CDH18: variants seen among roughly 807,000 people sequenced by gnomAD.
CDH18 encodes cadherin 18.
Under a neutral mutation model 67.9 loss-of-function variants are expected in CDH18, and 31 were observed. The ratio of observed to expected loss-of-function variants is 0.46; its 90% CI spans 0.34 to 0.62. The LOEUF (loss-of-function observed/expected upper bound fraction) is 0.62, where lower values mean the gene tolerates loss of function less well. Among genes scored for constraint, CDH18 ranks in the 20% least tolerant of loss-of-function variants. The pLI, the probability that CDH18 is intolerant of heterozygous loss-of-function variation, is 0.01. For synonymous variants in CDH18, 362 were observed against 347.2 expected, an observed-to-expected ratio of 1.04 and a Z score of -0.48; for missense variants, 890 against 975.5, an observed-to-expected ratio of 0.91 and a Z score of 1.17.
At chr5:20,025,103 T>C (rs1231601652) in intron 2 of CDH18, among the ~76,000 whole-genome samples, 1 of 152,196 alleles carries the variant, frequency 6.6e-6, no homozygotes, top group Non-Finnish European at 1.5e-5. Flanking sequence ...TCTTCTCTGA[T>C]CAGTTATCTG....
intron 6 of CDH18, among the ~76,000 whole-genome samples, chr5:19,603,006 A>T (rs770485524): frequency 7.2e-5 from 11 of 151,998 alleles, no homozygotes; most frequent in Admixed American, 1.3e-4. Flanking sequence ...TTACCATATG[A>T]TCTAGCAATT....
intron 1 of CDH18, among the ~76,000 whole-genome samples, chr5:20,383,747 G>T (rs1744096519): frequency 6.6e-6 from 1 of 152,080 alleles, no homozygotes; most frequent in African/African-American, 2.4e-5. Flanking sequence ...AAGTTGACAA[G>T]CCATATAATT....
intron 2 of CDH18, among the ~76,000 whole-genome samples, chr5:19,921,314 G>A (rs1422700648): frequency 6.6e-6 from 1 of 152,162 alleles, no homozygotes; most frequent in Non-Finnish European, 1.5e-5. Flanking sequence ...GGCGGATCAC[G>A]AGGTCAGGAG....
chr5:20,333,970 A>G (rs1277088487), intron 1 of CDH18, among the ~76,000 whole-genome samples: 1 of 152,242 alleles, frequency 6.6e-6, no homozygotes, highest in African/African-American at 2.4e-5. Flanking sequence ...AAGATGTTAA[A>G]TGAATTTAAA....
intron 2 of CDH18, among the ~76,000 whole-genome samples, chr5:19,890,589 A>G (rs748640136): frequency 9.0e-5 from 11 of 122,058 alleles, no homozygotes; most frequent in Non-Finnish European, 1.7e-4. Flanking sequence ...GCATTAGCCC[A>G]GAACACCATT....
chr5:20,333,364 G>C (rs577731407), intron 1 of CDH18, among the ~76,000 whole-genome samples: 1 of 151,938 alleles, frequency 6.6e-6, no homozygotes, highest in South Asian at 2.1e-4. Flanking sequence ...AAAATTAGCT[G>C]GGCATGGTGG....
intron 2 of CDH18, among the ~76,000 whole-genome samples, chr5:20,242,842 C>T (rs1161138982): frequency 6.6e-6 from 1 of 151,614 alleles, no homozygotes; most frequent in South Asian, 2.1e-4. Context: ...CTGACCTAAT[C>T]TTTCTCTTGT....
intron 7 of CDH18, among the ~76,000 whole-genome samples, chr5:19,573,492 A>G (rs967407785): frequency 6.6e-6 from 1 of 152,042 alleles, no homozygotes; most frequent in Admixed American, 6.6e-5. Context: ...GTTAGCCAGG[A>G]TGGTCTCGAT....
intron 1 of CDH18, among the ~76,000 whole-genome samples, chr5:20,397,763 A>C (rs2150124945): frequency 6.6e-6 from 1 of 152,304 alleles, no homozygotes; most frequent in Admixed American, 6.5e-5. Flanking sequence ...TCATTTCAAC[A>C]TGTAACCAAC....
intron 4 of CDH18, among the ~76,000 whole-genome samples, chr5:19,726,318 G>A (rs1766836759): frequency 6.6e-6 from 1 of 152,186 alleles, no homozygotes; most frequent in Non-Finnish European, 1.5e-5. Flanking sequence ...TGATCCAAAA[G>A]AATGGTCATT....
intron 9 of CDH18, among the ~76,000 whole-genome samples, chr5:19,528,658 TTATTTATGAAGC>T (rs1367142666): frequency 3.3e-5 from 5 of 151,944 alleles, no homozygotes; most frequent in African/African-American, 7.2e-5. Context: ...ACACACTGAG[TTATTTATGAAGC>T]TATTTATGAA....
intron 1 of CDH18, among the ~76,000 whole-genome samples, chr5:20,392,388 A>G (rs1208704683): frequency 1.3e-5 from 2 of 151,958 alleles, no homozygotes; most frequent in East Asian, 3.9e-4. Flanking sequence ...ATATGATTTC[A>G]GATAGATTAT....
intron 2 of CDH18, among the ~76,000 whole-genome samples, chr5:19,867,501 A>G (rs1329827642): frequency 6.6e-6 from 1 of 152,212 alleles, no homozygotes; most frequent in Non-Finnish European, 1.5e-5. Flanking sequence ...TTTGCTACAT[A>G]CTTCAAAGCT....
intron 2 of CDH18, among the ~76,000 whole-genome samples, chr5:20,148,100 T>C (rs971577585): frequency 1.2e-4 from 18 of 150,976 alleles, no homozygotes; most frequent in African/African-American, 3.9e-4. Flanking sequence ...TTTTTTTTTT[T>C]CTTTTTTTTG....
At chr5:20,007,907 G>A (rs1305793524) in intron 2 of CDH18, among the ~76,000 whole-genome samples, 7 of 152,046 alleles carry the variant, frequency 4.6e-5, no homozygotes. Context: ...ATAGTCTGCG[G>A]CTGCTTCATG....
chr5:20,374,841 A>AACTT (rs1324373379), intron 1 of CDH18, among the ~76,000 whole-genome samples: 5 of 152,214 alleles, frequency 3.3e-5, no homozygotes, highest in Non-Finnish European at 7.4e-5. Flanking sequence ...CTGAGATAAG[A>AACTT]ATCAAATTTA....
rs1754304129 is a variant in CDH18, at chr5:20,501,571, TATATATATATTA to T, written c.-580+73879_-580+73890del. ...TTATATATATAATATATATATATAATATATATATATTATATATATATATTATATATATATATA... is the reference window on the plus strand; with the variant it reads ...TTATATATATAATATATATATATAATTATATATATATTATATATATATATA... On this transcript the variant is annotated intron_variant, in intron 1 of 14. Coordinates refer to the CDH18 transcript ENST00000507958. Among the ~76,000 whole-genome samples the T allele has an allele frequency of 2.6e-3, 32 of 12,362 alleles. 1 individual carries two copies. The East Asian group carries it at 0.091, about 35-fold the overall frequency. 8.1% of individuals were successfully genotyped at this position (12,362 alleles called of 152,430 possible).
chr5:20,519,270 C>T (rs1431581855), intron 1 of CDH18, among the ~76,000 whole-genome samples: 2 of 152,064 alleles, frequency 1.3e-5, no homozygotes, highest in East Asian at 3.9e-4. Flanking sequence ...CACATATACA[C>T]CATGGAATAC....
At chr5:20,366,454 C>G (rs11741370) in intron 1 of CDH18, among the ~76,000 whole-genome samples, 1 of 151,952 alleles carries the variant, frequency 6.6e-6, no homozygotes, top group East Asian at 1.9e-4. Flanking sequence ...TCCATAGTCA[C>G]TTTTGCTTCT....
Sources: gnomAD v4.1 joint callset for allele counts (sites outside exome capture counted in the v4.1 genomes callset) on GRCh38, gnomAD v4.1.1 for gene constraint, MANE v1.5 for transcripts, NCBI Gene and HGNC (gene_info 2026-07-23, HGNC 2026-07-21) for gene names.